Variants in NEMP2 observed in about 807,000 individuals in gnomAD.
NEMP2 encodes the protein UPF0571 transmembrane protein.
NEMP2 carries 53 observed loss-of-function variants against 54.2 expected under a neutral mutation model. The ratio of observed to expected loss-of-function variants is 0.98; its 90% confidence interval spans 0.78 to 1.23. The LOEUF (loss-of-function observed/expected upper bound fraction) is 1.23. Ranked by LOEUF, NEMP2 falls within the 50% of genes most tolerant of loss-of-function variation. NEMP2 has a pLI of 0.00. For missense variants in NEMP2, 455 were observed against 511.3 expected (o/e 0.89, Z 1.06); for synonymous variants, 197 against 190.3 (o/e 1.04, Z -0.29).
the NEMP2 span, among the ~76,000 whole-genome samples, chr2:190,542,941 T>C: frequency 2.0e-5 from 3 of 152,264 alleles, no homozygotes; most frequent in Non-Finnish European, 4.4e-5. This position sits in a 1 kb window ranked among gnomAD's most constrained non-coding sequence, Gnocchi z 4.6. Flanking sequence ...CTATAGTTTC[T>C]TGTGAATCTA....
the NEMP2 span, among the ~76,000 whole-genome samples, chr2:190,427,404 G>C: frequency 6.6e-6 from 1 of 152,158 alleles, no homozygotes. Flanking sequence ...GTGGTATTTG[G>C]CTGCAGTCGA....
chr2:190,617,796 T>G, the NEMP2 span, among the ~76,000 whole-genome samples: 6 of 152,200 alleles, frequency 3.9e-5, no homozygotes, highest in African/African-American at 1.4e-4. The surrounding 1 kb of genome is among the most constrained non-coding windows in gnomAD (Gnocchi z 5.0). Context: ...ATGTAGGAAT[T>G]GAAATTTCTT....
At chr2:190,619,050 T>C in the NEMP2 span, among the ~76,000 whole-genome samples, 1 of 152,214 alleles carries the variant, frequency 6.6e-6, no homozygotes, top group Non-Finnish European at 1.5e-5. The surrounding 1 kb of genome is among the most constrained non-coding windows in gnomAD (Gnocchi z 5.5). Flanking sequence ...GCAAAGCTAC[T>C]TCTCAACTCA....
At chr2:190,602,145 A>T in the NEMP2 span, among the ~76,000 whole-genome samples, 2 of 152,200 alleles carry the variant, frequency 1.3e-5, no homozygotes, top group Admixed American at 1.3e-4. Flanking sequence ...TGAGATAGGG[A>T]GATGGGAGAG....
the NEMP2 span, among the ~76,000 whole-genome samples, chr2:190,467,297 T>G: frequency 6.6e-6 from 1 of 152,146 alleles, no homozygotes; most frequent in Non-Finnish European, 1.5e-5. This position sits in a 1 kb window ranked among gnomAD's most constrained non-coding sequence, Gnocchi z 5.5. Context: ...TGTAAACAGT[T>G]ACCATGGTAA....
At chr2:190,441,004 T>C in the NEMP2 span, among the ~76,000 whole-genome samples, 5 of 152,158 alleles carry the variant, frequency 3.3e-5, no homozygotes, top group Non-Finnish European at 5.9e-5. Flanking sequence ...ACTGGAGGAA[T>C]AGCAGTAAGT....
upstream of NEMP2, chr2:190,534,946 A>T (rs1246083674): frequency 3.5e-6 from 1 of 287,916 alleles, no homozygotes; most frequent in African/African-American, 2.2e-5. Flanking sequence ...CCGGGCCTCC[A>T]GCGCACGCGG....
At chr2:190,539,296 C>A (rs991058902), upstream of NEMP2, among the ~76,000 whole-genome samples, 1 of 152,058 alleles carries the variant, frequency 6.6e-6, no homozygotes, top group Non-Finnish European at 1.5e-5. This position sits in a 1 kb window ranked among gnomAD's most constrained non-coding sequence, Gnocchi z 4.1. Flanking sequence ...GTATTCTGTG[C>A]CATTGGTCTA....
the NEMP2 span, among the ~76,000 whole-genome samples, chr2:190,549,330 A>G: frequency 6.6e-6 from 1 of 152,196 alleles, no homozygotes; most frequent in Non-Finnish European, 1.5e-5. Context: ...AATTCATTGG[A>G]GGTTGCAAAA....
chr2:190,516,242 A>G, intron 6 of NEMP2, 28 bp downstream of exon 6: 1 of 1,477,066 alleles, frequency 6.8e-7, no homozygotes, highest in Non-Finnish European at 9.2e-7. Context: ...TACCAATCAC[A>G]GAGCATATTG....
Position 190,516,396 on chromosome 2 carries a change from A to C in NEMP2, c.613-12T>G. Reference sequence around the variant, plus strand: ...CAAAAGGTGCTATACTGTGTGTGGAAGAAAATAAATGACACATTTTTTGGT... The same window carrying C: ...CAAAAGGTGCTATACTGTGTGTGGACGAAAATAAATGACACATTTTTTGGT... On this transcript the variant is annotated splice_polypyrimidine_tract_variant and intron_variant, in intron 5 of 8. Coordinates refer to ENST00000409150, the MANE Select transcript of NEMP2 (RefSeq NM_001142645.2). 1 of 1,525,006 alleles carries C rather than the reference A, an allele frequency of 6.6e-7. No homozygotes were observed. 94.5% of individuals were successfully genotyped at this position (1,525,006 alleles called of 1,614,324 possible).
the NEMP2 span, among the ~76,000 whole-genome samples, chr2:190,593,365 G>A: frequency 6.6e-6 from 1 of 152,218 alleles, no homozygotes; most frequent in Non-Finnish European, 1.5e-5. This position sits in a 1 kb window ranked among gnomAD's most constrained non-coding sequence, Gnocchi z 4.5. Flanking sequence ...GCCAGCCAGA[G>A]GGCTCTGTCC....
the NEMP2 span, among the ~76,000 whole-genome samples, chr2:190,584,476 T>C: frequency 0.017 from 2,531 of 152,282 alleles, 76 homozygotes; most frequent in African/African-American, 0.057. The surrounding 1 kb of genome is among the most constrained non-coding windows in gnomAD (Gnocchi z 4.2). Flanking sequence ...TTCATCATGA[T>C]AGCTCCAAGT....
chr2:190,490,295 G>A, the NEMP2 span, among the ~76,000 whole-genome samples: 1 of 151,808 alleles, frequency 6.6e-6, no homozygotes, highest in African/African-American at 2.4e-5. The surrounding 1 kb of genome is among the most constrained non-coding windows in gnomAD (Gnocchi z 4.5). Context: ...CGGGTGCAGT[G>A]GCTCACGCCT....
chr2:190,559,571 TAG>T, the NEMP2 span, among the ~76,000 whole-genome samples: 3 of 151,258 alleles, frequency 2.0e-5, no homozygotes, highest in South Asian at 6.3e-4. The surrounding 1 kb of genome is among the most constrained non-coding windows in gnomAD (Gnocchi z 4.0). Flanking sequence ...ACCAGGAGAG[TAG>T]AGTGTCACAT....
the NEMP2 span, chr2:190,444,829 A>T: frequency 1.3e-6 from 1 of 742,406 alleles, no homozygotes; most frequent in Non-Finnish European, 1.6e-6. Flanking sequence ...GTGTTTCATA[A>T]AGATAATGTT....
At chr2:190,454,056 G>A in the NEMP2 span, 1 of 152,142 alleles carries the variant, frequency 6.6e-6, no homozygotes, top group Non-Finnish European at 1.5e-5. This position sits in a 1 kb window ranked among gnomAD's most constrained non-coding sequence, Gnocchi z 4.6. Flanking sequence ...TTAGTTTCCT[G>A]ACCACCAGTA....
rs4146923 is a variant in NEMP2, at chr2:190,529,989, A to G, written c.97+4570T>C. On this transcript the variant is annotated intron_variant, in intron 1 of 8. Coordinates refer to ENST00000409150, the MANE Select transcript of NEMP2 (RefSeq NM_001142645.2). This position sits in a 1 kb window ranked among gnomAD's most constrained non-coding sequence, Gnocchi z 4.7. ...TACTGTAACCCTTAACATCCTCTGG[A>G]CTGGGGATCATCTTCTTGCCCCTCA... Among the ~76,000 whole-genome samples the G allele has an allele frequency of 0.56, 84,914 of 152,028 alleles. 24,572 individuals carry two copies. Among genetic ancestry groups the G allele is most frequent in the Admixed American group, 0.65 (9,890 of 15,280 alleles).
chr2:190,421,617 C>T, the NEMP2 span, among the ~76,000 whole-genome samples: 1 of 152,134 alleles, frequency 6.6e-6, no homozygotes, highest in Non-Finnish European at 1.5e-5. Context: ...AGTTCTCACC[C>T]TGTCACCCAG....
Sources: gnomAD v4.1 joint callset for allele counts (sites outside exome capture counted in the v4.1 genomes callset) on GRCh38, gnomAD v4.1.1 for gene constraint, Gnocchi (gnomAD v3.1) non-coding constraint, MANE v1.5 for transcripts, NCBI Gene and HGNC (gene_info 2026-07-23, HGNC 2026-07-21) for gene names.